Variants in JDP2 observed in about 807,000 individuals in gnomAD.
JDP2 encodes Jun dimerization protein 2, also known as progesterone receptor co-activator.
A neutral mutation model predicts 17.1 loss-of-function variants in JDP2; 9 were observed. The observed-to-expected ratio is 0.53, with a 90% CI of 0.32 to 0.92. JDP2 has a LOEUF of 0.92. Ranked by LOEUF, JDP2 falls within the 40% of genes least tolerant of loss-of-function variation. JDP2 has a pLI of 0.04. For synonymous variants in JDP2, 107 were observed against 95.6 expected, an observed-to-expected ratio of 1.12 and a Z score of -0.69; for missense variants, 179 against 220.0, an observed-to-expected ratio of 0.81 and a Z score of 1.18.
intron 2 of JDP2, among the ~76,000 whole-genome samples, chr14:75,460,230 C>T (rs1886294169): frequency 6.6e-6 from 1 of 152,184 alleles, no homozygotes; most frequent in Non-Finnish European, 1.5e-5. Context: ...AGTTTATTAA[C>T]ATGTCCTGAG....
intron 1 of JDP2, among the ~76,000 whole-genome samples, chr14:75,434,504 A>G (rs1341855040): frequency 6.6e-6 from 1 of 152,120 alleles, no homozygotes; most frequent in Non-Finnish European, 1.5e-5. Flanking sequence ...GAGGCTTGTC[A>G]TTGGGATGGA....
At chr14:75,440,179 A>G (rs751595252) in intron 2 of JDP2, among the ~76,000 whole-genome samples, 6 of 152,218 alleles carry the variant, frequency 3.9e-5, no homozygotes, top group Non-Finnish European at 7.3e-5. Context: ...GGCCGCAAAA[A>G]TAACAAGCCG....
chr14:75,452,994 T>G (rs756140598), intron 2 of JDP2, among the ~76,000 whole-genome samples: 28 of 151,996 alleles, frequency 1.8e-4, no homozygotes, highest in Non-Finnish European at 3.4e-4. Context: ...CTCAGCCCCA[T>G]GGGGGATGCT....
At chr14:75,469,231 G>A (rs1886703363) in intron 3 of JDP2, 59 bp from the exon 4 acceptor site, 36 of 1,535,452 alleles carry the variant, frequency 2.3e-5, no homozygotes, top group Non-Finnish European at 3.0e-5. Flanking sequence ...CACAGGCAGA[G>A]CCTCTCCCCA....
intron 1 of JDP2, among the ~76,000 whole-genome samples, chr14:75,437,471 C>G (rs955403482): frequency 6.6e-6 from 1 of 152,190 alleles, no homozygotes; most frequent in African/African-American, 2.4e-5. Flanking sequence ...AGACTGTATG[C>G]TGCCATTGAA....
In JDP2 at chr14:75,428,582, C is replaced by T. The variant is rs1248174696; in HGVS notation, c.-24+330C>T. On this transcript the variant is annotated intron_variant, in intron 1 of 3. Transcript: ENST00000651602. This position sits in a 1 kb window ranked among gnomAD's most constrained non-coding sequence, Gnocchi z 5.6. Reference sequence around the variant, plus strand: ...CCCCGTCCGTTTGCAGGGAGGTGCTCTCCTCGGGCGGCGGGGAAGGCGGGG... The same window carrying T: ...CCCCGTCCGTTTGCAGGGAGGTGCTTTCCTCGGGCGGCGGGGAAGGCGGGG... 6.6e-6 allele frequency: 1 copy of T among 152,358 alleles called. No individual in the cohort carries two copies. Among genetic ancestry groups the T allele is most frequent in the African/African-American group, 2.4e-5 (1 of 41,434 alleles). 9.4% of individuals were successfully genotyped at this position (152,358 alleles called of 1,614,324 possible).
chr14:75,466,594 C>A (rs1886578476), intron 3 of JDP2, among the ~76,000 whole-genome samples: 1 of 152,212 alleles, frequency 6.6e-6, no homozygotes. Flanking sequence ...CTGCACTGAT[C>A]TTTGTGTGTG....
chr14:75,443,194 A>G (rs909223), intron 2 of JDP2, among the ~76,000 whole-genome samples: 78,693 of 151,964 alleles, frequency 0.52, 21,515 homozygotes, highest in African/African-American at 0.7. Flanking sequence ...TGGTCTTCCC[A>G]GACTTTGTTC....
chr14:75,456,172 G>C (rs977148919), intron 2 of JDP2, among the ~76,000 whole-genome samples: 2 of 152,208 alleles, frequency 1.3e-5, no homozygotes, highest in African/African-American at 4.8e-5. Context: ...ATGACAAGGA[G>C]CATAGTCAGT....
At chr14:75,439,313 G>A (rs1287341588) in intron 2 of JDP2, among the ~76,000 whole-genome samples, 1 of 152,224 alleles carries the variant, frequency 6.6e-6, no homozygotes, top group Non-Finnish European at 1.5e-5. Flanking sequence ...GGCTGGACCT[G>A]GCTCTCAGAT....
chr14:75,439,653 A>G (rs145432060), intron 2 of JDP2, among the ~76,000 whole-genome samples: 1 of 152,176 alleles, frequency 6.6e-6, no homozygotes, highest in East Asian at 1.9e-4. Context: ...CCTACTAAAG[A>G]CTGTGGATTA....
Position 75,469,546 on chromosome 14 carries a change from G to T in JDP2, c.*71G>T. The T allele has an allele frequency of 7.7e-7, 1 of 1,305,296 alleles. No homozygotes were observed. Among genetic ancestry groups the T allele is most frequent in the Non-Finnish European group, 1.1e-6 (1 of 938,012 alleles). The allele number at this position is 1,305,296 out of a possible 1,614,324, so 80.9% of individuals were successfully genotyped here. A position where few individuals can be genotyped will look rare whatever the true frequency, so the allele number is the denominator to read the frequency against. ...AGTGACGAAGAGAGAGGAGGAGGGG[G>T]GCCCCAGATGGCCCTTCCTTTGGTG... is the stretch of plus-strand genomic sequence containing the variant. On this transcript the variant is annotated 3_prime_UTR_variant, in exon 4 of 4. Coordinates refer to ENST00000651602, the MANE Select transcript of JDP2 (RefSeq NM_001135048.2).
chr14:75,434,685 AT>A (rs1009463245), intron 1 of JDP2, among the ~76,000 whole-genome samples: 50 of 152,256 alleles, frequency 3.3e-4, no homozygotes, highest in African/African-American at 1.1e-3. Context: ...AACAGAGCCT[AT>A]CATTCCCGGA....
chr14:75,445,149 T>C (rs1885537242), intron 2 of JDP2: 2 of 985,246 alleles, frequency 2.0e-6, no homozygotes, highest in Non-Finnish European at 2.4e-6. Flanking sequence ...GTGAGGCTCA[T>C]CTGGCTGAAC....
At chr14:75,467,262 G>T (rs775524302) in intron 3 of JDP2, among the ~76,000 whole-genome samples, 1 of 152,126 alleles carries the variant, frequency 6.6e-6, no homozygotes, top group Admixed American at 6.5e-5. Context: ...TTCTCCACCC[G>T]CAAGTCCCTC....
intron 2 of JDP2, among the ~76,000 whole-genome samples, 162 bp from the exon 3 acceptor site, chr14:75,461,264 G>A (rs1294744230): frequency 6.6e-6 from 1 of 152,100 alleles, no homozygotes; most frequent in African/African-American, 2.4e-5. Context: ...TGGCTGGGAG[G>A]TATTTCCAAC....
At chr14:75,466,038 T>TA (rs35602019) in intron 3 of JDP2, among the ~76,000 whole-genome samples, 7 of 149,720 alleles carry the variant, frequency 4.7e-5, no homozygotes, top group African/African-American at 9.8e-5. Context: ...AATCATGGTT[T>TA]AAAAAAAAAA....
intron 2 of JDP2, among the ~76,000 whole-genome samples, chr14:75,438,519 G>T (rs1016820656): frequency 1.3e-5 from 2 of 152,212 alleles, no homozygotes; most frequent in African/African-American, 4.8e-5. Context: ...GTAGACAAGA[G>T]AATGCCAATA....
At chr14:75,434,366 C>T (rs1327113432) in intron 1 of JDP2, among the ~76,000 whole-genome samples, 2 of 152,032 alleles carry the variant, frequency 1.3e-5, no homozygotes, top group African/African-American at 4.8e-5. Context: ...GTGGTTGTCT[C>T]CTAGGAATGG....
Sources: gnomAD v4.1 joint callset for allele counts (sites outside exome capture counted in the v4.1 genomes callset) on GRCh38, gnomAD v4.1.1 for gene constraint, Gnocchi (gnomAD v3.1) non-coding constraint, MANE v1.5 for transcripts, NCBI Gene and HGNC (gene_info 2026-07-23, HGNC 2026-07-21) for gene names.